AGBL1: variants seen among roughly 807,000 people sequenced by gnomAD.
AGBL1 encodes the protein cytosolic carboxypeptidase 4.
AGBL1 carries 130 observed loss-of-function variants against 118.9 expected under a neutral mutation model. The ratio of observed to expected loss-of-function variants is 1.09; its 90% CI spans 0.95 to 1.26. The LOEUF is 1.26. Ranked by LOEUF, AGBL1 falls within the 50% of genes most tolerant of loss-of-function variation. AGBL1 has a pLI of 0.00. For synonymous variants in AGBL1, 555 were observed against 478.9 expected (o/e 1.16, Z -2.08); for missense variants, 1,584 against 1,298.1 (o/e 1.22, Z -3.38).
At chr15:86,805,265 G>A (rs762862596) in intron 22 of AGBL1, among the ~76,000 whole-genome samples, 31 of 151,790 alleles carry the variant, frequency 2.0e-4, no homozygotes, top group Non-Finnish European at 3.8e-4. Flanking sequence ...CCTAGAGGCC[G>A]AAGTTTTTTA....
chr15:86,773,759 A>T (rs963916075), intron 22 of AGBL1, among the ~76,000 whole-genome samples: 1 of 151,802 alleles, frequency 6.6e-6, no homozygotes, highest in Non-Finnish European at 1.5e-5. Flanking sequence ...TCCACCTACC[A>T]CTAGTTGGCT....
chr15:86,477,868 A>G (rs2082585293), intron 18 of AGBL1, among the ~76,000 whole-genome samples: 1 of 152,182 alleles, frequency 6.6e-6, no homozygotes. Flanking sequence ...GCAGCACATC[A>G]AAAAGCTTAT....
At chr15:86,948,536 TG>T (rs1277679033) in intron 23 of AGBL1, among the ~76,000 whole-genome samples, 1 of 152,238 alleles carries the variant, frequency 6.6e-6, no homozygotes, top group Non-Finnish European at 1.5e-5. Context: ...GTTTTTTGAC[TG>T]CCATAAGATT....
At chr15:87,021,788 G>C (rs74668760) in intron 24 of AGBL1, among the ~76,000 whole-genome samples, 2 of 152,076 alleles carry the variant, frequency 1.3e-5, no homozygotes, top group African/African-American at 4.8e-5. Context: ...CTCAGACAGA[G>C]CAGCATGTGG....
chr15:86,789,458 G>A (rs2078460874), intron 22 of AGBL1, among the ~76,000 whole-genome samples: 1 of 152,186 alleles, frequency 6.6e-6, no homozygotes, highest in Non-Finnish European at 1.5e-5. Flanking sequence ...GAAATTTCAT[G>A]TGAGTTTATA....
At chr15:86,415,720 T>G (rs1363458623) in intron 18 of AGBL1, among the ~76,000 whole-genome samples, 1 of 152,192 alleles carries the variant, frequency 6.6e-6, no homozygotes, top group Non-Finnish European at 1.5e-5. Context: ...TATGTCACTG[T>G]GTAGTTGATC....
chr15:86,395,143 A>G (rs571076621), intron 17 of AGBL1, among the ~76,000 whole-genome samples: 1 of 152,266 alleles, frequency 6.6e-6, no homozygotes, highest in African/African-American at 2.4e-5. Flanking sequence ...TCTGATCTAC[A>G]GGATGAAGTC....
chr15:86,795,536 A>T (rs2078557152), intron 22 of AGBL1, among the ~76,000 whole-genome samples: 1 of 151,078 alleles, frequency 6.6e-6, no homozygotes, highest in African/African-American at 2.4e-5. Context: ...GCCCTTCCTC[A>T]TCCAGCCCCT....
intron 22 of AGBL1, among the ~76,000 whole-genome samples, chr15:86,878,144 GACTCT>G (rs2079839569): frequency 6.6e-6 from 1 of 152,192 alleles, no homozygotes; most frequent in Non-Finnish European, 1.5e-5. Flanking sequence ...TGTGTCATGA[GACTCT>G]GGAGACAGAA....
chr15:86,534,192 C>G (rs1440114447), intron 19 of AGBL1, among the ~76,000 whole-genome samples: 6 of 149,186 alleles, frequency 4.0e-5, no homozygotes, highest in Non-Finnish European at 7.4e-5. Context: ...AGAGTCAGGT[C>G]TACAAGGAAA....
chr15:86,985,057 G>T (rs28479700), intron 23 of AGBL1, among the ~76,000 whole-genome samples: 1,931 of 152,264 alleles, frequency 0.013, 42 homozygotes, highest in African/African-American at 0.045. Context: ...CTATGTGGTT[G>T]CATGTTTTAG....
At chr15:86,879,782 T>C (rs2079865280) in intron 22 of AGBL1, among the ~76,000 whole-genome samples, 1 of 151,726 alleles carries the variant, frequency 6.6e-6, no homozygotes, top group Admixed American at 6.6e-5. Flanking sequence ...TGTTTGTGGG[T>C]GTTTGTCAGA....
chr15:86,827,938 C>CTGTTTTTTTTTTTTTTTTTTT (rs2079052594), intron 22 of AGBL1, among the ~76,000 whole-genome samples: 2 of 16,760 alleles, frequency 1.2e-4, no homozygotes, highest in Non-Finnish European at 2.3e-4. Context: ...TGATGTAGGG[C>CTGTTTTTTTTTTTTTTTTTTT]TTTTTTTTTT....
intron 23 of AGBL1, among the ~76,000 whole-genome samples, chr15:86,944,721 T>G (rs1048946597): frequency 6.6e-6 from 1 of 152,224 alleles, no homozygotes; most frequent in African/African-American, 2.4e-5. Context: ...TTCAATTCAT[T>G]TTCAGAAATG....
chr15:86,746,449 T>C (rs1468736516), intron 22 of AGBL1, among the ~76,000 whole-genome samples: 2 of 152,026 alleles, frequency 1.3e-5, no homozygotes, highest in Non-Finnish European at 2.9e-5. Flanking sequence ...CCCTTGATTT[T>C]TTTATTTTGG....
intron 1 of AGBL1, among the ~76,000 whole-genome samples, chr15:86,110,898 T>G (rs899009619): frequency 2.0e-5 from 3 of 152,234 alleles, no homozygotes; most frequent in Non-Finnish European, 4.4e-5. Context: ...AGCAGAGGTT[T>G]GTTTAGTAAA....
chr15:86,080,655 T>C (rs984104027), intron 1 of AGBL1, among the ~76,000 whole-genome samples: 4 of 152,226 alleles, frequency 2.6e-5, no homozygotes, highest in Non-Finnish European at 5.9e-5. Context: ...CAAACTTGTC[T>C]GCACATTAGA....
intron 18 of AGBL1, among the ~76,000 whole-genome samples, chr15:86,495,007 A>C (rs2082829858): frequency 6.6e-6 from 1 of 151,800 alleles, no homozygotes; most frequent in South Asian, 2.1e-4. Flanking sequence ...GAATCCATTC[A>C]CAATCCAATT....
At chr15:86,580,789 A>G (rs1377111069) in intron 21 of AGBL1, among the ~76,000 whole-genome samples, 1 of 152,182 alleles carries the variant, frequency 6.6e-6, no homozygotes, top group Non-Finnish European at 1.5e-5. Context: ...AGTGCTATGG[A>G]ACACTAGAAC....
Sources: gnomAD v4.1 joint callset for allele counts (sites outside exome capture counted in the v4.1 genomes callset) on GRCh38, gnomAD v4.1.1 for gene constraint, MANE v1.5 for transcripts, NCBI Gene and HGNC (gene_info 2026-07-23, HGNC 2026-07-21) for gene names.